The following SNX24 variants were observed in gnomAD, a reference collection of about 807,000 sequenced individuals.
The protein encoded by SNX24 is sorting nexin-24.
A neutral mutation model predicts 28.7 loss-of-function variants in SNX24; 22 were observed. The ratio of observed to expected loss-of-function variants is 0.77; its 90% CI spans 0.55 to 1.10. The LOEUF (loss-of-function observed/expected upper bound fraction) is 1.10. Ranked by LOEUF, SNX24 falls within the 50% of genes least tolerant of loss-of-function variation. The pLI is 0.00. For missense variants in SNX24, 221 were observed against 201.1 expected (o/e 1.10, Z -0.60); for synonymous variants, 69 against 71.5 (o/e 0.96, Z 0.18).
chr5:122,854,533 A>C (rs192829401), intron 1 of SNX24, among the ~76,000 whole-genome samples: 4,192 of 148,262 alleles, frequency 0.028, 73 homozygotes, highest in Middle Eastern at 0.049. Context: ...AAAAACAAAA[A>C]AAAAAACATA....
intron 1 of SNX24, among the ~76,000 whole-genome samples, chr5:122,919,797 A>T (rs911447071): frequency 6.6e-6 from 1 of 152,124 alleles, no homozygotes; most frequent in Non-Finnish European, 1.5e-5. Context: ...TCCCCTCCCA[A>T]ACCAGGTGCT....
chr5:122,902,514 T>TC (rs1287923665), intron 1 of SNX24, among the ~76,000 whole-genome samples: 1 of 151,998 alleles, frequency 6.6e-6, no homozygotes, highest in Non-Finnish European at 1.5e-5. Context: ...ACTTAACACC[T>TC]CCCCTCTAAC....
At chr5:122,921,983 C>T (rs912181862) in intron 1 of SNX24, among the ~76,000 whole-genome samples, 1 of 151,762 alleles carries the variant, frequency 6.6e-6, no homozygotes. Context: ...TGTCCTTTTT[C>T]TCTCTCTCTC....
chr5:122,864,485 A>C (rs888791474), intron 1 of SNX24, among the ~76,000 whole-genome samples: 5 of 152,256 alleles, frequency 3.3e-5, no homozygotes, highest in Non-Finnish European at 5.9e-5. Context: ...CCTGCTGTGC[A>C]GGAAACTAGA....
chr5:122,913,123 A>T (rs1757966814), intron 1 of SNX24, among the ~76,000 whole-genome samples: 1 of 152,252 alleles, frequency 6.6e-6, no homozygotes. Flanking sequence ...CTTTCTACAC[A>T]GACACAGCAA....
chr5:122,947,252 G>A (rs1408120773), intron 3 of SNX24, among the ~76,000 whole-genome samples: 1 of 152,022 alleles, frequency 6.6e-6, no homozygotes, highest in African/African-American at 2.4e-5. Flanking sequence ...GGAAACTGAG[G>A]ACTGTGGAGC....
chr5:122,908,192 G>C (rs1757730402), intron 1 of SNX24, among the ~76,000 whole-genome samples: 1 of 152,210 alleles, frequency 6.6e-6, no homozygotes, highest in Admixed American at 6.5e-5. Flanking sequence ...GAATGTGGCT[G>C]CATTTCTGTG....
chr5:123,014,368 G>T (rs1762645974), intron 5 of SNX24, among the ~76,000 whole-genome samples: 1 of 92,600 alleles, frequency 1.1e-5, no homozygotes, highest in African/African-American at 4.4e-5. Context: ...TTTTTGTAGA[G>T]ACAGGGTTTC....
intron 2 of SNX24, among the ~76,000 whole-genome samples, chr5:122,942,732 C>G (rs1228006174): frequency 1.3e-5 from 2 of 152,194 alleles, no homozygotes; most frequent in African/African-American, 2.4e-5. Flanking sequence ...GGGCCAGGAC[C>G]GTTAATCATC....
intron 3 of SNX24, among the ~76,000 whole-genome samples, chr5:122,966,278 T>C (rs1760709257): frequency 6.6e-6 from 1 of 152,232 alleles, no homozygotes; most frequent in Non-Finnish European, 1.5e-5. Flanking sequence ...TTCTTTTTTT[T>C]ATTATTATAC....
intron 5 of SNX24, among the ~76,000 whole-genome samples, chr5:123,014,333 ATTTTTTT>A (rs70988553): frequency 5.2e-5 from 4 of 77,306 alleles, no homozygotes; most frequent in South Asian, 5.5e-4. Context: ...TGCCCAGCTG[ATTTTTTT>A]TTTTTTTTTT....
intron 5 of SNX24, among the ~76,000 whole-genome samples, chr5:123,021,110 C>T (rs930208568): frequency 6.6e-6 from 1 of 151,752 alleles, no homozygotes; most frequent in African/African-American, 2.4e-5. Flanking sequence ...CAGTTCCCCC[C>T]CCGTCCCCAT....
rs948086524 is a variant in SNX24, at chr5:123,008,413, C to T, written c.*664C>T. 2.8e-5 allele frequency: 13 copies of T among 458,302 alleles called. No homozygotes were observed. The highest frequency in any genetic ancestry group is 6.4e-5 in the Admixed American group (1 of 15,584). The allele number at this position is 458,302 out of a possible 1,614,324, so 28.4% of individuals were successfully genotyped here. A position where few individuals can be genotyped will look rare whatever the true frequency, so the allele number is the denominator to read the frequency against. On this transcript the variant is annotated 3_prime_UTR_variant, in exon 7 of 7. Coordinates refer to ENST00000261369, the MANE Select transcript of SNX24 (RefSeq NM_014035.4). Reference sequence around the variant, plus strand: ...GGTAAAATGGGCTATTAGGATGATCCTTGAAAGCCCTTTAGAAGGGTGCCA... The same window carrying T: ...GGTAAAATGGGCTATTAGGATGATCTTTGAAAGCCCTTTAGAAGGGTGCCA...
chr5:122,948,131 G>A (rs28892), intron 3 of SNX24, among the ~76,000 whole-genome samples: 117,055 of 152,152 alleles, frequency 0.77, 45,905 homozygotes, highest in East Asian at 0.99. Context: ...TTTCTTTTCC[G>A]CTTGATTCTA....
At chr5:122,854,515 CAAAAAAAAAAAACA>C (rs1561507669) in intron 1 of SNX24, among the ~76,000 whole-genome samples, 1 of 121,410 alleles carries the variant, frequency 8.2e-6, no homozygotes, top group African/African-American at 3.3e-5. Context: ...CTCAAAAAAA[CAAAAAAAAAAAACA>C]AAAAAAAAAA....
intron 2 of SNX24, among the ~76,000 whole-genome samples, chr5:122,940,253 C>G (rs1759381507): frequency 6.6e-6 from 1 of 152,286 alleles, no homozygotes; most frequent in Middle Eastern, 3.4e-3. Context: ...CTCTGCCTCC[C>G]AAAGTGCTAG....
Position 122,936,796 on chromosome 5 carries a change from AT to A in SNX24, c.126del (p.His43MetfsTer11). On this transcript the variant is annotated frameshift_variant, in exon 2 of 7. Coordinates refer to ENST00000261369, the MANE Select transcript of SNX24 (RefSeq NM_014035.4). LOFTEE classifies it high-confidence loss of function. The stretch of plus-strand genomic sequence containing the variant: ...ATTTTGTTGAAAAGAGATACAGCGA[AT>A]TTCATGCTTTGCACAAAAAGGTAAC... Reference protein sequence around the residue: ...KHFVEKRYSEFHALHKKLKKC... With the variant: ...KHFVEKRYSEXHALHKKLKKC... 5 of 1,607,338 alleles carry A rather than the reference AT, an allele frequency of 3.1e-6. No homozygotes were observed. The highest frequency in any genetic ancestry group is 4.3e-6 in the Non-Finnish European group (5 of 1,175,016).
At chr5:123,002,239 G>A in intron 6 of SNX24, 1 of 549,810 alleles carries the variant, frequency 1.8e-6, no homozygotes, top group Admixed American at 3.2e-5. Flanking sequence ...AGAGTAATAA[G>A]GAAGAATGGT....
In SNX24 at chr5:123,007,715, A is replaced by T; in HGVS notation, c.476A>T (p.His159Leu). ...FPNVVIEGVL[H>L]GIFYPHLQPR is the part of the protein sequence containing the mutation. Reference sequence around the variant, plus strand: ...AATGTGGTTATTGAAGGAGTCCTCCATGGGATATTTTACCCTCATCTACAG... The same window carrying T: ...AATGTGGTTATTGAAGGAGTCCTCCTTGGGATATTTTACCCTCATCTACAG... Residue 159 changes from histidine to leucine, a missense_variant, in exon 7 of 7, where the codon CAT becomes CTT. Physicochemically the swap from His to Leu is moderately conservative, Grantham distance 99. Transcript: ENST00000261369. The T allele has an allele frequency of 6.3e-7, 1 of 1,594,588 alleles. No individual in the cohort carries two copies. The highest frequency in any genetic ancestry group is 8.5e-7 in the Non-Finnish European group (1 of 1,175,524).
Sources: gnomAD v4.1 joint callset for allele counts (sites outside exome capture counted in the v4.1 genomes callset) on GRCh38, gnomAD v4.1.1 for gene constraint, MANE v1.5 for transcripts, NCBI Gene and HGNC (gene_info 2026-07-23, HGNC 2026-07-21) for gene names.